DNAH7: variants seen among roughly 807,000 people sequenced by gnomAD.
DNAH7 encodes the protein axonemal beta dynein heavy chain 7.
A neutral mutation model predicts 444.6 loss-of-function variants in DNAH7; 397 were observed. That is an observed-to-expected ratio of 0.89 (90% CI 0.82 to 0.97). DNAH7 has a LOEUF of 0.97. DNAH7 is among the 50% of genes least tolerant of loss of function. The pLI is 0.00. For missense variants in DNAH7, 4,902 were observed against 4,800.8 expected, an observed-to-expected ratio of 1.02 and a Z score of -0.62; for synonymous variants, 1,636 against 1,624.4, an observed-to-expected ratio of 1.01 and a Z score of -0.17.
At chr2:195,950,963 C>A (rs542459642) in intron 19 of DNAH7, among the ~76,000 whole-genome samples, 3 of 137,160 alleles carry the variant, frequency 2.2e-5, no homozygotes, top group South Asian at 2.5e-4. Context: ...TAAGTTATTT[C>A]TTGTCTTCTG....
chr2:195,783,809 G>A (rs1574426772), intron 58 of DNAH7, among the ~76,000 whole-genome samples: 1 of 152,002 alleles, frequency 6.6e-6, no homozygotes, highest in East Asian at 1.9e-4. Context: ...GGCAAAAATA[G>A]TCTCCAAAAA....
intron 53 of DNAH7, among the ~76,000 whole-genome samples, chr2:195,807,445 A>G (rs1333891781): frequency 6.6e-6 from 1 of 152,252 alleles, no homozygotes; most frequent in Non-Finnish European, 1.5e-5. Flanking sequence ...GGTATGAGCC[A>G]CTGCTCCCAG....
Position 195,864,235 on chromosome 2 carries a change from C to A in DNAH7, c.7420G>T (p.Ala2474Ser). The A allele has an allele frequency of 6.2e-7, 1 of 1,614,182 alleles. No homozygotes were observed. The highest frequency in any genetic ancestry group is 8.5e-7 in the Non-Finnish European group (1 of 1,180,022). Residue 2474 changes from alanine to serine, a missense_variant, in exon 41 of 65, where the codon GCC becomes TCC. Transcript: ENST00000312428. The part of the protein sequence containing the change: ...HCRSQLHVVL[A>S]MSPIGDAFRN... ...AATGCATCTCCAATGGGACTCATGGCAAGGACCACATGCAGTTGGCTGCGG... is the reference window on the plus strand; with the variant it reads ...AATGCATCTCCAATGGGACTCATGGAAAGGACCACATGCAGTTGGCTGCGG...
Position 195,972,448 on chromosome 2 carries a change from C to T in DNAH7, c.1852G>A (p.Glu618Lys), listed in dbSNP as rs1691911096. Reference protein sequence around the residue: ...MEMKAYIQKVEVTDMIELEQR... With the variant: ...MEMKAYIQKVKVTDMIELEQR... Reference sequence around the variant, plus strand: ...TCTAGTTCAATCATATCAGTTACCTCCACTTTCTGAATGTAAGCCTGAGGG... The same window carrying T: ...TCTAGTTCAATCATATCAGTTACCTTCACTTTCTGAATGTAAGCCTGAGGG... Residue 618 changes from glutamate to lysine, a missense_variant, in exon 16 of 65, where the codon GAG becomes AAG. Physicochemically the swap from Glu to Lys is moderately conservative, Grantham distance 56 (BLOSUM62 1). Transcript: ENST00000312428. 6.2e-7 allele frequency: 1 copy of T among 1,613,846 alleles called. No individual in the cohort carries two copies. The highest frequency in any genetic ancestry group is 8.5e-7 in the Non-Finnish European group (1 of 1,179,924).
At chr2:195,747,604 A>G (rs1023868331) in intron 63 of DNAH7, among the ~76,000 whole-genome samples, 1 of 152,190 alleles carries the variant, frequency 6.6e-6, no homozygotes, top group Non-Finnish European at 1.5e-5. Flanking sequence ...CTGGCAAACC[A>G]AATCCAGCAG....
intron 10 of DNAH7, among the ~76,000 whole-genome samples, chr2:196,008,373 G>A (rs765989413): frequency 4.6e-5 from 7 of 152,128 alleles, no homozygotes; most frequent in Non-Finnish European, 1.0e-4. Context: ...AAAACAGTGC[G>A]AGTGTTCCTC....
At chr2:195,945,340 C>A (rs753183051) in intron 19 of DNAH7, among the ~76,000 whole-genome samples, 13 of 152,258 alleles carry the variant, frequency 8.5e-5, no homozygotes, top group South Asian at 2.1e-4. Flanking sequence ...AGTTCAACAA[C>A]CCATCATGGT....
At chr2:195,884,886 C>T in intron 34 of DNAH7, 77 bp from the exon 35 acceptor site, 2 of 1,194,866 alleles carry the variant, frequency 1.7e-6, no homozygotes. Context: ...CATATCAGAT[C>T]AGCCAGATTA....
At position 195,888,250 on chromosome 2, in the gene DNAH7, T is replaced by C; in HGVS notation, c.5406+8A>G. ...ATTTTTTAATCTTAAAATTCTCATT[T>C]CCCTTACCTTTGTATGCTTTCTAAT... is the stretch of plus-strand genomic sequence containing the variant. On this transcript the variant is annotated splice_region_variant and intron_variant, in intron 33 of 64. Transcript: ENST00000312428. 6.3e-7 allele frequency: 1 copy of C among 1,590,944 alleles called. No homozygotes were observed. The highest frequency in any genetic ancestry group is 8.5e-7 in the Non-Finnish European group (1 of 1,171,986).
intron 46 of DNAH7, among the ~76,000 whole-genome samples, chr2:195,852,502 T>A (rs1490240660): frequency 6.6e-6 from 1 of 152,210 alleles, no homozygotes; most frequent in Non-Finnish European, 1.5e-5. Flanking sequence ...TCCCATTTTT[T>A]CTTTTAGTTA....
At chr2:196,005,789 T>C (rs188847115) in intron 10 of DNAH7, among the ~76,000 whole-genome samples, 252 of 152,110 alleles carry the variant, frequency 1.7e-3, no homozygotes, top group Admixed American at 3.1e-3. Flanking sequence ...AACAAGAATT[T>C]AAAAAATTAA....
intron 47 of DNAH7, among the ~76,000 whole-genome samples, chr2:195,838,672 A>G (rs1426502206): frequency 6.6e-6 from 1 of 152,028 alleles, no homozygotes; most frequent in Non-Finnish European, 1.5e-5. Flanking sequence ...ATACGATCCA[A>G]CTGTCAGCTG....
chr2:195,890,104 TTTGAATCCATA>T (rs1701929608), intron 31 of DNAH7, among the ~76,000 whole-genome samples: 2 of 152,202 alleles, frequency 1.3e-5, no homozygotes, highest in African/African-American at 4.8e-5. Flanking sequence ...TGGTGAAGGA[TTTGAATCCATA>T]TTAGCACGTT....
At chr2:195,883,802 T>G (rs1574659848) in intron 35 of DNAH7, among the ~76,000 whole-genome samples, 3 of 152,202 alleles carry the variant, frequency 2.0e-5, no homozygotes, top group Admixed American at 6.5e-5. Flanking sequence ...ATGCCTTTTC[T>G]AGAAATTTAT....
chr2:195,873,505 T>C, intron 39 of DNAH7, 63 bp downstream of exon 39: 1 of 1,025,070 alleles, frequency 9.8e-7, no homozygotes, highest in East Asian at 3.0e-5. Context: ...TACTTAATAT[T>C]GATATGTTTC....
At chr2:195,819,255 C>T (rs1697356089) in intron 49 of DNAH7, among the ~76,000 whole-genome samples, 1 of 152,146 alleles carries the variant, frequency 6.6e-6, no homozygotes, top group Non-Finnish European at 1.5e-5. Context: ...GGTCTTAACT[C>T]ATTACAGCAC....
chr2:196,063,767 G>GTCAGCA (rs1220277530), intron 1 of DNAH7: 12 of 152,390 alleles, frequency 7.9e-5, no homozygotes, highest in Admixed American at 6.5e-4. Flanking sequence ...TGTAGTCAGT[G>GTCAGCA]TCAGCATCAT....
intron 21 of DNAH7, among the ~76,000 whole-genome samples, chr2:195,927,374 G>A (rs1006652271): frequency 6.6e-6 from 1 of 151,986 alleles, no homozygotes; most frequent in Non-Finnish European, 1.5e-5. Context: ...TTCTACTCTT[G>A]CTGGGATATT....
chr2:195,761,982 G>GCTC (rs1282902799), intron 61 of DNAH7, among the ~76,000 whole-genome samples: 1 of 152,046 alleles, frequency 6.6e-6, no homozygotes, highest in East Asian at 1.9e-4. Flanking sequence ...ATATCTTGAG[G>GCTC]AGAAAGACTA....
Sources: allele counts gnomAD v4.1 joint callset (sites outside exome capture counted in the v4.1 genomes callset), GRCh38; gene constraint gnomAD v4.1.1; transcripts MANE v1.5; gene names NCBI Gene and HGNC (gene_info 2026-07-23, HGNC 2026-07-21).